EFR3A: variants seen among roughly 807,000 people sequenced by gnomAD.
The protein encoded by EFR3A is EFR3 homolog A, also known as protein EFR3 homolog A.
EFR3A carries 76 observed loss-of-function variants against 104.4 expected under a neutral mutation model. The ratio of observed to expected loss-of-function variants is 0.73; its 90% CI spans 0.60 to 0.88. The LOEUF (loss-of-function observed/expected upper bound fraction) is 0.88. EFR3A is among the 40% of genes least tolerant of loss of function. EFR3A has a pLI of 0.00. For synonymous variants in EFR3A, 330 were observed against 330.0 expected (o/e 1.00, Z 0.00); for missense variants, 985 against 1,012.5 (o/e 0.97, Z 0.37).
chr8:131,958,652 A>T (rs958125497), intron 7 of EFR3A, among the ~76,000 whole-genome samples: 5 of 152,038 alleles, frequency 3.3e-5, no homozygotes, highest in African/African-American at 1.2e-4. Context: ...TTTCAAGGAA[A>T]TGAAAGTTAT....
chr8:131,907,553 A>G (rs1816313024), intron 1 of EFR3A, among the ~76,000 whole-genome samples: 1 of 152,212 alleles, frequency 6.6e-6, no homozygotes, highest in South Asian at 2.1e-4. Flanking sequence ...TAATAATAAT[A>G]TGGTTACTCC....
At chr8:131,924,863 A>G (rs1817225671) in intron 1 of EFR3A, among the ~76,000 whole-genome samples, 1 of 152,098 alleles carries the variant, frequency 6.6e-6, no homozygotes, top group African/African-American at 2.4e-5. Flanking sequence ...TTTCTCTTAT[A>G]TTTTATTTAT....
chr8:131,917,786 A>G (rs961415430), intron 1 of EFR3A, among the ~76,000 whole-genome samples: 1 of 152,022 alleles, frequency 6.6e-6, no homozygotes, highest in African/African-American at 2.4e-5. Flanking sequence ...TTTTTTTTCC[A>G]TGCGTCAGTA....
At chr8:131,951,268 T>C (rs1818689644) in intron 5 of EFR3A, among the ~76,000 whole-genome samples, 1 of 152,154 alleles carries the variant, frequency 6.6e-6, no homozygotes, top group African/African-American at 2.4e-5. Context: ...GCTGCTGGTA[T>C]GATTTTTGCT....
At chr8:131,984,858 A>C in intron 15 of EFR3A, 71 bp from the exon 16 acceptor site, 2 of 1,373,290 alleles carry the variant, frequency 1.5e-6, no homozygotes, top group Non-Finnish European at 1.9e-6. Flanking sequence ...GCAGTTTTCC[A>C]GTGTAATCAG....
intron 18 of EFR3A, among the ~76,000 whole-genome samples, chr8:131,993,720 T>C (rs1195479650): frequency 6.7e-6 from 1 of 148,510 alleles, no homozygotes; most frequent in Non-Finnish European, 1.5e-5. Context: ...AAAAAAAAAA[T>C]ACCCCATCTC....
Position 131,991,156 on chromosome 8 carries a change from T to A in EFR3A, c.2065+3454T>A, listed in dbSNP as rs753479528. On this transcript the variant is annotated intron_variant, in intron 18 of 22. Coordinates refer to ENST00000254624, the MANE Select transcript of EFR3A (RefSeq NM_015137.6). ...CTTACATGGCAGTGGCAAGAAAGAA[T>A]GAGGAAGAAGCAAAAGCAGAAACCC... 1.5e-4 allele frequency among the ~76,000 whole-genome samples: 23 copies of A among 152,176 alleles called. No homozygotes were observed. The Middle Eastern group carries it at 0.01, about 68-fold the overall frequency.
intron 22 of EFR3A, among the ~76,000 whole-genome samples, chr8:132,004,101 TAAGC>T (rs978272704): frequency 6.6e-6 from 1 of 152,218 alleles, no homozygotes; most frequent in African/African-American, 2.4e-5. Flanking sequence ...TCTGCTTTCA[TAAGC>T]AAGGCACATT....
chr8:131,967,100 C>T (rs1026375549), intron 8 of EFR3A, among the ~76,000 whole-genome samples: 1 of 152,184 alleles, frequency 6.6e-6, no homozygotes, highest in African/African-American at 2.4e-5. Context: ...GTTCACACAT[C>T]AGAAGCATGC....
At chr8:131,924,170 T>C (rs1817187865) in intron 1 of EFR3A, 1 of 405,686 alleles carries the variant, frequency 2.5e-6, no homozygotes. Context: ...AGAGTATGAT[T>C]ATTAGCATTT....
chr8:131,949,488 T>C (rs1364341183), intron 4 of EFR3A, among the ~76,000 whole-genome samples: 1 of 152,108 alleles, frequency 6.6e-6, no homozygotes, highest in African/African-American at 2.4e-5. Flanking sequence ...CTTCCTCTTG[T>C]TTTCTAAAAG....
At chr8:131,927,321 A>G (rs1435738506) in intron 1 of EFR3A, among the ~76,000 whole-genome samples, 1 of 152,136 alleles carries the variant, frequency 6.6e-6, no homozygotes, top group African/African-American at 2.4e-5. Context: ...CTTTTTTTGT[A>G]GTGTGGCAGA....
chr8:131,937,109 T>G (rs978849269), intron 1 of EFR3A, among the ~76,000 whole-genome samples: 15 of 152,134 alleles, frequency 9.9e-5, no homozygotes, highest in African/African-American at 3.6e-4. Context: ...ACAATGACAC[T>G]TGGCACTTTG....
intron 1 of EFR3A, among the ~76,000 whole-genome samples, chr8:131,934,169 A>G (rs1014804474): frequency 1.3e-5 from 2 of 152,202 alleles, no homozygotes; most frequent in African/African-American, 4.8e-5. Flanking sequence ...ATTAGTCACC[A>G]AACTCTTTTC....
At chr8:131,959,720 A>G in intron 8 of EFR3A, 57 bp downstream of exon 8, 2 of 1,245,252 alleles carry the variant, frequency 1.6e-6, no homozygotes, top group Non-Finnish European at 2.3e-6. Flanking sequence ...TTCTCTATGG[A>G]TAAGCACATT....
At chr8:132,009,921 T>C (rs1448707915) in intron 22 of EFR3A, among the ~76,000 whole-genome samples, 1 of 152,072 alleles carries the variant, frequency 6.6e-6, no homozygotes, top group Admixed American at 6.6e-5. Context: ...AAAGCATCTG[T>C]ATCATATGAC....
intron 9 of EFR3A, 73 bp downstream of exon 9, chr8:131,968,503 G>T: frequency 7.2e-7 from 1 of 1,397,076 alleles, no homozygotes; most frequent in Non-Finnish European, 9.7e-7. Context: ...GCATAGCAGT[G>T]TATGAAGAAC....
intron 18 of EFR3A, among the ~76,000 whole-genome samples, chr8:131,988,376 A>G (rs1380784926): frequency 6.6e-6 from 1 of 152,090 alleles, no homozygotes; most frequent in African/African-American, 2.4e-5. Context: ...CTGTTCTACA[A>G]GAGAACCATT....
chr8:131,981,571 C>T (rs1432546492), intron 14 of EFR3A, among the ~76,000 whole-genome samples: 1 of 151,896 alleles, frequency 6.6e-6, no homozygotes, highest in Non-Finnish European at 1.5e-5. Context: ...GTTTGATTTT[C>T]ATATGAAACC....
Sources: allele counts gnomAD v4.1 joint callset (sites outside exome capture counted in the v4.1 genomes callset), GRCh38; gene constraint gnomAD v4.1.1; transcripts MANE v1.5; gene names NCBI Gene and HGNC (gene_info 2026-07-23, HGNC 2026-07-21).